The following GXYLT1 variants were observed in gnomAD, a reference collection of about 807,000 sequenced individuals.
The protein encoded by GXYLT1 is glycosyltransferase 8 domain containing 3.
A neutral mutation model predicts 54.0 loss-of-function variants in GXYLT1; 29 were observed. The ratio of observed to expected loss-of-function variants is 0.54; its 90% confidence interval spans 0.40 to 0.73. GXYLT1 has a LOEUF of 0.73. GXYLT1 is among the 30% of genes least tolerant of loss of function. GXYLT1 has a pLI of 0.00. For synonymous variants in GXYLT1, 176 were observed against 204.1 expected (o/e 0.86, Z 1.17); for missense variants, 490 against 553.4 (o/e 0.89, Z 1.15).
Position 42,083,802 on chromosome 12 carries a change from G to T in GXYLT1, c.*3984C>A, listed in dbSNP as rs1026416107. 10 of 152,180 alleles carry T rather than the reference G, an allele frequency of 6.6e-5. No homozygotes were observed. The highest frequency in any genetic ancestry group is 1.0e-4 in the Non-Finnish European group (7 of 68,034). 9.4% of individuals were successfully genotyped at this position (152,180 alleles called of 1,614,324 possible). On this transcript the variant is annotated 3_prime_UTR_variant, in exon 8 of 8. Coordinates refer to ENST00000398675, the MANE Select transcript of GXYLT1 (RefSeq NM_173601.2). ...GTCAGTATCATCTGCGAAAACTGCTGCAACACATTCCTTGGCCCCCTTCAG... is the reference window on the plus strand; with the variant it reads ...GTCAGTATCATCTGCGAAAACTGCTTCAACACATTCCTTGGCCCCCTTCAG...
At chr12:42,118,886 C>G in intron 3 of GXYLT1, 114 bp downstream of exon 3, 2 of 755,528 alleles carry the variant, frequency 2.6e-6, no homozygotes, top group Non-Finnish European at 4.0e-6. Context: ...TATAAATTAC[C>G]AAGTCTCAGG....
At chr12:42,105,123 A>G (rs2065411820) in intron 5 of GXYLT1, among the ~76,000 whole-genome samples, 1 of 152,236 alleles carries the variant, frequency 6.6e-6, no homozygotes, top group Non-Finnish European at 1.5e-5. Context: ...CTGATTCCAG[A>G]GCAAGCAAAC....
intron 7 of GXYLT1, among the ~76,000 whole-genome samples, chr12:42,096,893 A>T (rs1375879178): frequency 6.6e-6 from 1 of 152,154 alleles, no homozygotes; most frequent in Non-Finnish European, 1.5e-5. Flanking sequence ...ACACATCACC[A>T]CCTATACAGA....
intron 1 of GXYLT1, among the ~76,000 whole-genome samples, chr12:42,137,607 A>C (rs541006380): frequency 6.6e-6 from 1 of 151,770 alleles, no homozygotes; most frequent in Non-Finnish European, 1.5e-5. Flanking sequence ...AATACAAAAA[A>C]TTATCTGGGC....
chr12:42,085,698 T>TCTTCTA lies in GXYLT1; in HGVS notation c.*2087_*2088insTAGAAG, dbSNP rs2065288157. ...TGATTCTAACAAACCAACTAGAAGATGATTTTTGAGATAATCAGGGAAATT... is the reference window on the plus strand; with the variant it reads ...TGATTCTAACAAACCAACTAGAAGATCTTCTAGATTTTTGAGATAATCAGGGAAATT... On this transcript the variant is annotated 3_prime_UTR_variant, in exon 8 of 8. Transcript: ENST00000398675. 1.3e-5 allele frequency: 2 copies of TCTTCTA among 152,078 alleles called. No homozygotes were observed. Among genetic ancestry groups the TCTTCTA allele is most frequent in the Non-Finnish European group, 2.9e-5 (2 of 68,030 alleles). 9.4% of individuals were successfully genotyped at this position (152,078 alleles called of 1,614,324 possible).
chr12:42,143,638 T>G (rs970657423), intron 1 of GXYLT1, among the ~76,000 whole-genome samples: 1 of 152,254 alleles, frequency 6.6e-6, no homozygotes, highest in East Asian at 1.9e-4. Flanking sequence ...TGCAAGGCAG[T>G]GCAAACGCTC....
At chr12:42,143,965 A>T (rs1341342035) in intron 1 of GXYLT1, among the ~76,000 whole-genome samples, 1 of 152,156 alleles carries the variant, frequency 6.6e-6, no homozygotes, top group East Asian at 1.9e-4. Flanking sequence ...AACACAGGAA[A>T]ATCAGCATGA....
rs540602157 is a variant in GXYLT1 at position 42,083,400 on chromosome 12, T to C, written c.*4386A>G. On this transcript the variant is annotated 3_prime_UTR_variant, in exon 8 of 8. Transcript: ENST00000398675. ...TACTTTATTAAATATTAAAATGCAA[T>C]AAGGCAATTATTGTTTTTAAGACAC... 3 of 152,368 alleles carry C rather than the reference T, an allele frequency of 2.0e-5. No homozygotes were observed. Among genetic ancestry groups the C allele is most frequent in the Admixed American group, 2.0e-4 (3 of 15,310 alleles). 9.4% of individuals were successfully genotyped at this position (152,368 alleles called of 1,614,324 possible).
chr12:42,128,479 G>T (rs1031497079), intron 2 of GXYLT1, among the ~76,000 whole-genome samples: 6 of 152,056 alleles, frequency 3.9e-5, no homozygotes, highest in Admixed American at 3.9e-4. Flanking sequence ...CTAATTTCCA[G>T]ATCATCATCT....
chr12:42,097,301 G>C (rs75926248), intron 7 of GXYLT1, 141 bp downstream of exon 7: 2 of 515,204 alleles, frequency 3.9e-6, no homozygotes, highest in Non-Finnish European at 6.2e-6. Flanking sequence ...GAAAACCAAC[G>C]ACAAAGCAAA....
intron 7 of GXYLT1, among the ~76,000 whole-genome samples, chr12:42,093,983 T>C (rs2065342225): frequency 6.6e-6 from 1 of 151,878 alleles, no homozygotes; most frequent in Non-Finnish European, 1.5e-5. Flanking sequence ...TGAAACAGCA[T>C]ATGGGTGAAT....
rs963667313 is a variant in GXYLT1 at position 42,105,999 on chromosome 12, T to C, written c.683A>G (p.Asp228Gly). ...TDILFLRPVD[D>G]IWSLLKKFNS... ...AAATTTCTTTAGTAAAGACCAAATA[T>C]CATCAACTGGTCGTAAAAAAAGGAT... Residue 228 changes from aspartate (D) to glycine (G), a missense_variant, in exon 5 of 8, where the codon GAT becomes GGT. Coordinates refer to ENST00000398675, the MANE Select transcript of GXYLT1 (RefSeq NM_173601.2). 1 of 1,612,832 alleles carries C rather than the reference T, an allele frequency of 6.2e-7. No homozygotes were observed.
intron 2 of GXYLT1, among the ~76,000 whole-genome samples, chr12:42,126,861 CA>C (rs2065565463): frequency 7.7e-6 from 1 of 130,698 alleles, no homozygotes; most frequent in Non-Finnish European, 1.6e-5. Flanking sequence ...GCCTGGGAGA[CA>C]GTGAAACCCT....
intron 1 of GXYLT1, among the ~76,000 whole-genome samples, chr12:42,135,967 T>A (rs1304244804): frequency 6.6e-6 from 1 of 152,230 alleles, no homozygotes; most frequent in Non-Finnish European, 1.5e-5. Flanking sequence ...GGAAAGATGT[T>A]TTTCTTTCTT....
intron 7 of GXYLT1, among the ~76,000 whole-genome samples, chr12:42,093,946 A>G (rs1055928567): frequency 6.6e-6 from 1 of 152,172 alleles, no homozygotes. Flanking sequence ...TAAATTCCAA[A>G]CACAGCAAAG....
Position 42,101,459 on chromosome 12 carries a change from A to G in GXYLT1, c.865-3426T>C, listed in dbSNP as rs142985736. ...TCATACACACATTAAAAATGTGATTATGTGTAATGACATAGAAGTCAGTCA... is the reference window on the plus strand; with the variant it reads ...TCATACACACATTAAAAATGTGATTGTGTGTAATGACATAGAAGTCAGTCA... On this transcript the variant is annotated intron_variant, in intron 5 of 7. Coordinates refer to ENST00000398675, the MANE Select transcript of GXYLT1 (RefSeq NM_173601.2). 2.8e-3 allele frequency among the ~76,000 whole-genome samples: 434 copies of G among 152,360 alleles called. 2 individuals carry two copies. The highest frequency in any genetic ancestry group is 9.3e-3 in the African/African-American group (387 of 41,580).
intron 2 of GXYLT1, among the ~76,000 whole-genome samples, chr12:42,128,732 G>T (rs139563729): frequency 1.3e-5 from 2 of 152,100 alleles, no homozygotes; most frequent in Non-Finnish European, 2.9e-5. Context: ...ACAGGGTCTT[G>T]CTCTGGGCTG....
At chr12:42,088,752 G>A (rs1363669754) in intron 7 of GXYLT1, among the ~76,000 whole-genome samples, 5 of 152,120 alleles carry the variant, frequency 3.3e-5, no homozygotes, top group Admixed American at 6.5e-5. Context: ...AAAGATGGAT[G>A]GGGCTTAAAA....
At chr12:42,105,553 G>C (rs150909655) in intron 5 of GXYLT1, among the ~76,000 whole-genome samples, 290 of 152,202 alleles carry the variant, frequency 1.9e-3, no homozygotes, top group African/African-American at 6.7e-3. Flanking sequence ...TGGCAATCTA[G>C]GGAGAAGATG....
Sources: allele counts gnomAD v4.1 joint callset (sites outside exome capture counted in the v4.1 genomes callset), GRCh38; gene constraint gnomAD v4.1.1; transcripts MANE v1.5; gene names NCBI Gene and HGNC (gene_info 2026-07-23, HGNC 2026-07-21).